Variants in EYS observed in about 807,000 individuals in gnomAD.
The protein encoded by EYS is EGF-like photoreceptor maintenance factor.
In EYS, 250 loss-of-function variants were observed where a neutral mutation model predicts 282.1. The ratio of observed to expected loss-of-function variants is 0.89; its 90% CI spans 0.80 to 0.98. The LOEUF (loss-of-function observed/expected upper bound fraction) is 0.98. EYS is among the 50% of genes least tolerant of loss of function. EYS has a pLI of 0.00. For synonymous variants in EYS, 1,355 were observed against 1,282.9 expected (o/e 1.06, Z -1.20); for missense variants, 4,016 against 3,709.0 (o/e 1.08, Z -2.15).
intron 35 of EYS, among the ~76,000 whole-genome samples, chr6:63,955,162 A>T (rs973622525): frequency 6.6e-6 from 1 of 151,968 alleles, no homozygotes. Context: ...CCCTTCTGTC[A>T]AACATAATTC....
At chr6:65,555,055 T>G (rs762387666) in intron 2 of EYS, among the ~76,000 whole-genome samples, 4 of 152,068 alleles carry the variant, frequency 2.6e-5, no homozygotes, top group Non-Finnish European at 5.9e-5. Flanking sequence ...GTAATTATAT[T>G]CCAAAGACTG....
chr6:65,625,960 T>C (rs1034497787), intron 2 of EYS, among the ~76,000 whole-genome samples: 6 of 152,314 alleles, frequency 3.9e-5, no homozygotes, highest in Middle Eastern at 3.4e-3. Context: ...TACTGAACTT[T>C]CCTGTGGATG....
chr6:64,414,202 T>A (rs1561981602), intron 28 of EYS, among the ~76,000 whole-genome samples: 1 of 151,948 alleles, frequency 6.6e-6, no homozygotes, highest in Non-Finnish European at 1.5e-5. Flanking sequence ...TCCTGAGAAA[T>A]GAAGAGAAAT....
chr6:63,796,177 G>GT (rs1408269167), intron 37 of EYS, among the ~76,000 whole-genome samples: 4 of 152,204 alleles, frequency 2.6e-5, no homozygotes, highest in Non-Finnish European at 5.9e-5. Flanking sequence ...ATTGTGTGTT[G>GT]TAAGTTATGA....
At chr6:65,268,325 T>A (rs1271936748) in intron 12 of EYS, among the ~76,000 whole-genome samples, 1 of 152,028 alleles carries the variant, frequency 6.6e-6, no homozygotes, top group African/African-American at 2.4e-5. Context: ...TGGTTGTAGA[T>A]CATATGATAA....
chr6:64,285,168 A>G (rs920173996), intron 30 of EYS, among the ~76,000 whole-genome samples: 6 of 151,992 alleles, frequency 3.9e-5, no homozygotes, highest in Admixed American at 6.6e-5. Context: ...TCCTTTAACA[A>G]CACCAAAATC....
intron 31 of EYS, among the ~76,000 whole-genome samples, chr6:64,191,438 C>T (rs984423430): frequency 1.1e-4 from 16 of 151,878 alleles, no homozygotes; most frequent in East Asian, 1.9e-4. Flanking sequence ...CCCACTAACT[C>T]GTCATCCAGC....
chr6:64,830,340 G>A (rs1238195178), intron 19 of EYS, among the ~76,000 whole-genome samples: 1 of 151,922 alleles, frequency 6.6e-6, no homozygotes, highest in Non-Finnish European at 1.5e-5. Flanking sequence ...AAGATACAAG[G>A]GTAAGTGATG....
intron 22 of EYS, among the ~76,000 whole-genome samples, chr6:64,789,662 C>T (rs1175189140): frequency 6.6e-6 from 1 of 152,084 alleles, no homozygotes; most frequent in African/African-American, 2.4e-5. Flanking sequence ...ATCGAATTCT[C>T]TTTCTCCTTC....
At chr6:64,517,794 A>G (rs558240187) in intron 26 of EYS, among the ~76,000 whole-genome samples, 1 of 151,942 alleles carries the variant, frequency 6.6e-6, no homozygotes, top group African/African-American at 2.4e-5. Flanking sequence ...ATAGAACTGT[A>G]CATGTACACA....
chr6:64,548,275 C>G (rs922359258), intron 26 of EYS, among the ~76,000 whole-genome samples: 1 of 152,186 alleles, frequency 6.6e-6, no homozygotes, highest in Non-Finnish European at 1.5e-5. Flanking sequence ...TGTGGCGATT[C>G]CTCAGGGATC....
intron 12 of EYS, among the ~76,000 whole-genome samples, chr6:65,072,527 A>G (rs1350364232): frequency 6.6e-6 from 1 of 151,892 alleles, no homozygotes. Flanking sequence ...AAGAAATGGA[A>G]CAATATTCTT....
At chr6:64,791,384 A>G (rs770560659) in intron 22 of EYS, among the ~76,000 whole-genome samples, 2 of 151,840 alleles carry the variant, frequency 1.3e-5, no homozygotes, top group Non-Finnish European at 3.0e-5. Context: ...ACACTATATT[A>G]TTCACACAGA....
At chr6:63,846,470 C>CA (rs1562057039) in intron 36 of EYS, among the ~76,000 whole-genome samples, 6 of 151,848 alleles carry the variant, frequency 4.0e-5, no homozygotes, top group Admixed American at 3.9e-4. Context: ...TACACAAGAA[C>CA]AAAAAAAGAT....
At chr6:64,721,235 T>C (rs1279839757) in intron 22 of EYS, among the ~76,000 whole-genome samples, 2 of 152,076 alleles carry the variant, frequency 1.3e-5, no homozygotes, top group Non-Finnish European at 2.9e-5. Context: ...AAGGACAGTA[T>C]AATATGTCAC....
At chr6:64,139,832 G>A (rs753591362) in intron 31 of EYS, among the ~76,000 whole-genome samples, 38 of 151,932 alleles carry the variant, frequency 2.5e-4, no homozygotes, top group Non-Finnish European at 5.3e-4. Flanking sequence ...AGCTGGGCGT[G>A]GTGGCAGGCG....
intron 26 of EYS, among the ~76,000 whole-genome samples, chr6:64,528,736 G>A (rs1778004710): frequency 6.6e-6 from 1 of 151,892 alleles, no homozygotes; most frequent in Admixed American, 6.6e-5. Context: ...ATTTAATGAG[G>A]AAATAGCTGC....
At chr6:65,185,063 A>G (rs989643619) in intron 12 of EYS, among the ~76,000 whole-genome samples, 1 of 151,718 alleles carries the variant, frequency 6.6e-6, no homozygotes, top group Admixed American at 6.6e-5. Flanking sequence ...TGTGTGATTG[A>G]TCTGAATTGC....
rs148897629 is a variant in EYS, at chr6:64,442,118, T to C, written c.5645-2766A>G. 2.6e-3 allele frequency among the ~76,000 whole-genome samples: 391 copies of C among 152,240 alleles called. 3 individuals are homozygous for C. Among genetic ancestry groups the C allele is most frequent in the African/African-American group, 8.8e-3 (365 of 41,532 alleles). On this transcript the variant is annotated intron_variant, in intron 26 of 42. Coordinates refer to ENST00000503581, the MANE Select transcript of EYS (RefSeq NM_001142800.2). ...TTTGACCAAAATGCTGATAATGATA[T>C]GGACAATGAAATCCAGGCTAAGGTG...
Sources: gnomAD v4.1 joint callset for allele counts (sites outside exome capture counted in the v4.1 genomes callset) on GRCh38, gnomAD v4.1.1 for gene constraint, MANE v1.5 for transcripts, NCBI Gene and HGNC (gene_info 2026-07-23, HGNC 2026-07-21) for gene names.